The following CUX2 variants were observed in gnomAD, a reference collection of about 807,000 sequenced individuals.
CUX2 encodes the protein homeobox protein cut-like 2.
In CUX2, 40 loss-of-function variants were observed where a neutral mutation model predicts 144.8. That is an observed-to-expected ratio of 0.28 (90% CI 0.21 to 0.36). The LOEUF is 0.36. Ranked by LOEUF, CUX2 falls within the 10% of genes least tolerant of loss-of-function variation. CUX2 has a pLI of 1.00. For missense variants in CUX2, 1,615 were observed against 1,994.0 expected (o/e 0.81, Z 3.62); for synonymous variants, 827 against 875.6 (o/e 0.94, Z 0.98).
intron 18 of CUX2, among the ~76,000 whole-genome samples, chr12:111,324,593 C>T (rs559085047): frequency 3.0e-4 from 46 of 151,962 alleles, no homozygotes; most frequent in African/African-American, 6.3e-4. Context: ...CTCTGCCTCC[C>T]GGGTTCAAGC....
chr12:111,199,738 G>A (rs1592831399), intron 1 of CUX2, among the ~76,000 whole-genome samples: 1 of 152,168 alleles, frequency 6.6e-6, no homozygotes, highest in Non-Finnish European at 1.5e-5. Flanking sequence ...TCTGTGGTAT[G>A]TGTCTCTGTG....
At position 111,071,287 on chromosome 12, in the gene CUX2, G is replaced by A. The variant is rs76103929; in HGVS notation, c.63+37047G>A. 7.8e-3 allele frequency among the ~76,000 whole-genome samples: 1,182 copies of A among 152,210 alleles called. 22 individuals carry two copies. Among genetic ancestry groups the A allele is most frequent in the African/African-American group, 0.027 (1,103 of 41,524 alleles). ...CTCCACATCTTTGCCAGCATTTAGTGTTATCAATGTTCTGGATTTTGGCCA... is the reference window on the plus strand; with the variant it reads ...CTCCACATCTTTGCCAGCATTTAGTATTATCAATGTTCTGGATTTTGGCCA... On this transcript the variant is annotated intron_variant, in intron 1 of 21. Coordinates refer to ENST00000261726, the MANE Select transcript of CUX2 (RefSeq NM_015267.4).
intron 16 of CUX2, among the ~76,000 whole-genome samples, chr12:111,313,345 A>G (rs957367123): frequency 6.6e-6 from 1 of 150,612 alleles, no homozygotes; most frequent in African/African-American, 2.4e-5. Flanking sequence ...CTGGGATTAC[A>G]GGCGTGAGCC....
chr12:111,303,647 A>G (rs1397473265), intron 9 of CUX2, among the ~76,000 whole-genome samples: 2 of 151,826 alleles, frequency 1.3e-5, no homozygotes, highest in Non-Finnish European at 2.9e-5. Flanking sequence ...AAAAAAAAAA[A>G]AAAGAAAAGA....
intron 1 of CUX2, among the ~76,000 whole-genome samples, chr12:111,208,945 G>A (rs1430557699): frequency 1.3e-5 from 2 of 152,170 alleles, no homozygotes; most frequent in African/African-American, 2.4e-5. Context: ...ACAAGAAAGT[G>A]TCCTTTTTAA....
chr12:111,249,696 A>C (rs2136273222), intron 3 of CUX2, among the ~76,000 whole-genome samples: 1 of 152,128 alleles, frequency 6.6e-6, no homozygotes, highest in East Asian at 1.9e-4. Flanking sequence ...ACCTCAGGTG[A>C]TCAGCCTGCC....
At chr12:111,134,318 A>G (rs979564417) in intron 1 of CUX2, among the ~76,000 whole-genome samples, 5 of 152,206 alleles carry the variant, frequency 3.3e-5, no homozygotes, top group African/African-American at 4.8e-5. Flanking sequence ...TGTCACCCAC[A>G]TGCGTGCTTC....
intron 16 of CUX2, among the ~76,000 whole-genome samples, chr12:111,319,501 G>C (rs911371332): frequency 6.6e-6 from 1 of 152,036 alleles, no homozygotes; most frequent in East Asian, 1.9e-4. Flanking sequence ...CACTTTGGGA[G>C]GCTGAGGTGT....
intron 1 of CUX2, among the ~76,000 whole-genome samples, chr12:111,146,064 T>C (rs776231385): frequency 6.6e-6 from 1 of 152,140 alleles, no homozygotes; most frequent in Non-Finnish European, 1.5e-5. Flanking sequence ...CACAGCAAAA[T>C]TGAGCAGAGC....
At chr12:111,313,673 A>C (rs1341649685) in intron 16 of CUX2, among the ~76,000 whole-genome samples, 1 of 152,010 alleles carries the variant, frequency 6.6e-6, no homozygotes, top group Non-Finnish European at 1.5e-5. Context: ...GGACTGTATT[A>C]GTTTTCCTTT....
intron 1 of CUX2, among the ~76,000 whole-genome samples, chr12:111,040,802 A>G (rs1169815364): frequency 6.6e-6 from 1 of 152,180 alleles, no homozygotes; most frequent in Non-Finnish European, 1.5e-5. Context: ...CCACTCTGCC[A>G]TTAGCATGAA....
At position 111,035,724 on chromosome 12, in the gene CUX2, C is replaced by T. The variant is rs1005470683; in HGVS notation, c.63+1484C>T. ...TGGCCGCTTCCCAGTCCCCGTCCTT[C>T]CGAACGCCCCACTCCTCGCTCTCCC... On this transcript the variant is annotated intron_variant, in intron 1 of 21. Coordinates refer to ENST00000261726, the MANE Select transcript of CUX2 (RefSeq NM_015267.4). This position sits in a 1 kb window ranked among gnomAD's most constrained non-coding sequence, Gnocchi z 6.0. 6.6e-5 allele frequency among the ~76,000 whole-genome samples: 10 copies of T among 151,756 alleles called. No individual in the cohort carries two copies. Among genetic ancestry groups the T allele is most frequent in the South Asian group, 2.1e-4 (1 of 4,814 alleles).
intron 1 of CUX2, among the ~76,000 whole-genome samples, chr12:111,130,141 A>G (rs1008097618): frequency 6.6e-6 from 1 of 152,172 alleles, no homozygotes; most frequent in African/African-American, 2.4e-5. Context: ...AATTAACAGT[A>G]TAAACTTTTG....
At chr12:111,286,762 G>A (rs1592919398) in intron 4 of CUX2, among the ~76,000 whole-genome samples, 2 of 152,060 alleles carry the variant, frequency 1.3e-5, no homozygotes, top group Admixed American at 6.5e-5. Context: ...CCAGCTACTC[G>A]GGAGGCTAAG....
In CUX2 at chr12:111,304,210, C is replaced by T; in HGVS notation, c.754C>T (p.Arg252Ter). The change falls in exon 10 of 22, where the codon CGA (arginine) becomes TGA (stop). Residue 252 changes from arginine (R) to a stop codon, truncating the protein, a stop_gained and splice_region_variant. Transcript: ENST00000261726. LOFTEE classifies it high-confidence loss of function. This position sits in a 1 kb window ranked among gnomAD's most constrained non-coding sequence, Gnocchi z 4.7. ...IMTNLEKANQ[R>*]AEAAQREVES... Reference sequence around the variant, plus strand: ...GCCCACACTGTCCCCTTCTCCCCAGCGAGCTGAGGCTGCCCAGCGGGAGGT... The same window carrying T: ...GCCCACACTGTCCCCTTCTCCCCAGTGAGCTGAGGCTGCCCAGCGGGAGGT... 1.9e-6 allele frequency: 3 copies of T among 1,611,852 alleles called. No homozygotes were observed. Among genetic ancestry groups the T allele is most frequent in the Non-Finnish European group, 2.5e-6 (3 of 1,179,016 alleles).
chr12:111,094,463 T>C (rs1164842931), intron 1 of CUX2, among the ~76,000 whole-genome samples: 1 of 152,262 alleles, frequency 6.6e-6, no homozygotes, highest in Non-Finnish European at 1.5e-5. Context: ...GTCTTCCCCC[T>C]GTGCCCCGGT....
chr12:111,090,098 T>A (rs951343441), intron 1 of CUX2, among the ~76,000 whole-genome samples: 1 of 152,114 alleles, frequency 6.6e-6, no homozygotes, highest in Admixed American at 6.5e-5. Context: ...TGATGAGTGA[T>A]CTGATCCCCG....
At chr12:111,135,206 A>C (rs1875785455) in intron 1 of CUX2, among the ~76,000 whole-genome samples, 1 of 151,660 alleles carries the variant, frequency 6.6e-6, no homozygotes, top group Admixed American at 6.6e-5. Context: ...AAGAAAAAAA[A>C]AAGAGAAGAA....
At chr12:111,127,598 C>T (rs1222602929) in intron 1 of CUX2, among the ~76,000 whole-genome samples, 2 of 152,236 alleles carry the variant, frequency 1.3e-5, no homozygotes, top group Non-Finnish European at 2.9e-5. Context: ...TAGAAACAGT[C>T]TTTTCTCTGG....
Sources: gnomAD v4.1 joint callset for allele counts (sites outside exome capture counted in the v4.1 genomes callset) on GRCh38, gnomAD v4.1.1 for gene constraint, Gnocchi (gnomAD v3.1) non-coding constraint, MANE v1.5 for transcripts, NCBI Gene and HGNC (gene_info 2026-07-23, HGNC 2026-07-21) for gene names.